LRRC4C: variants seen among roughly 807,000 people sequenced by gnomAD.
LRRC4C encodes leucine-rich repeat-containing protein 4C.
Under a neutral mutation model 33.6 loss-of-function variants are expected in LRRC4C, and 5 were observed. The ratio of observed to expected loss-of-function variants is 0.15; its 90% confidence interval spans 0.08 to 0.31. The LOEUF (loss-of-function observed/expected upper bound fraction) is 0.31. Ranked by LOEUF, LRRC4C falls within the 10% of genes least tolerant of loss-of-function variation. The pLI, the probability that LRRC4C is intolerant of heterozygous loss-of-function variation, is 1.00. For missense variants in LRRC4C, 560 were observed against 796.7 expected (o/e 0.70, Z 3.58); for synonymous variants, 329 against 302.0 (o/e 1.09, Z -0.93).
At chr11:40,506,386 A>T (rs947882845) in intron 3 of LRRC4C, among the ~76,000 whole-genome samples, 11 of 152,292 alleles carry the variant, frequency 7.2e-5, no homozygotes, top group African/African-American at 2.4e-4. Flanking sequence ...AAAACTTGTC[A>T]TTTTACTTCC....
chr11:41,325,475 AT>A (rs1240068677), intron 1 of LRRC4C, among the ~76,000 whole-genome samples: 2 of 151,290 alleles, frequency 1.3e-5, no homozygotes, highest in African/African-American at 4.9e-5. Flanking sequence ...GCATTGTCTC[AT>A]TCTTAATTTA....
intron 2 of LRRC4C, among the ~76,000 whole-genome samples, chr11:40,833,719 A>G (rs1449912153): frequency 6.6e-6 from 1 of 152,184 alleles, no homozygotes; most frequent in African/African-American, 2.4e-5. Flanking sequence ...TTAAGTCACA[A>G]GGTATCTGAT....
chr11:40,659,208 T>C (rs750644527), intron 2 of LRRC4C, among the ~76,000 whole-genome samples: 160 of 152,214 alleles, frequency 1.1e-3, no homozygotes, highest in Non-Finnish European at 6.6e-4. Context: ...CAGTCAGATG[T>C]GCATGCACTT....
At chr11:41,235,951 A>G (rs1948003184) in intron 1 of LRRC4C, among the ~76,000 whole-genome samples, 1 of 152,140 alleles carries the variant, frequency 6.6e-6, no homozygotes, top group South Asian at 2.1e-4. Flanking sequence ...AATAGAATCT[A>G]GAATTGGTGT....
At chr11:40,527,939 T>A (rs1042790852) in intron 3 of LRRC4C, among the ~76,000 whole-genome samples, 2 of 151,936 alleles carry the variant, frequency 1.3e-5, no homozygotes, top group Non-Finnish European at 1.5e-5. Flanking sequence ...AGAGGTGGGG[T>A]TTCTCCATGT....
intron 1 of LRRC4C, among the ~76,000 whole-genome samples, chr11:41,083,928 C>T (rs1019037401): frequency 1.3e-5 from 2 of 152,164 alleles, no homozygotes; most frequent in African/African-American, 2.4e-5. Context: ...ATGTCACATG[C>T]TTTTGATATT....
At chr11:41,143,094 C>G (rs148162942) in intron 1 of LRRC4C, among the ~76,000 whole-genome samples, 1 of 151,712 alleles carries the variant, frequency 6.6e-6, no homozygotes, top group Non-Finnish European at 1.5e-5. Context: ...AAAAACTCTA[C>G]GATAAAGAAA....
intron 3 of LRRC4C, among the ~76,000 whole-genome samples, chr11:40,493,062 C>T (rs1954246402): frequency 6.6e-6 from 1 of 150,802 alleles, no homozygotes; most frequent in Non-Finnish European, 1.5e-5. Context: ...ATATGGTTAC[C>T]ATATTTAATA....
chr11:40,591,567 T>C (rs913165605), intron 3 of LRRC4C, among the ~76,000 whole-genome samples: 3 of 152,250 alleles, frequency 2.0e-5, no homozygotes, highest in African/African-American at 7.2e-5. Context: ...GTGTCCACTT[T>C]ACAGAGAAGT....
chr11:40,638,725 T>C (rs1941919118), intron 3 of LRRC4C, among the ~76,000 whole-genome samples: 1 of 151,438 alleles, frequency 6.6e-6, no homozygotes, highest in South Asian at 2.1e-4. Context: ...GCTCAGGGTC[T>C]AATCCATAGA....
chr11:40,617,574 A>G (rs907975419), intron 3 of LRRC4C, among the ~76,000 whole-genome samples: 3 of 151,650 alleles, frequency 2.0e-5, no homozygotes, highest in Non-Finnish European at 3.0e-5. Flanking sequence ...GTCTCTTCCC[A>G]TAGGTCCAAC....
chr11:41,260,911 C>T (rs577841526), intron 1 of LRRC4C, among the ~76,000 whole-genome samples: 54 of 152,178 alleles, frequency 3.5e-4, no homozygotes, highest in Non-Finnish European at 5.6e-4. Context: ...AGATCTTCCC[C>T]TAGTCTTCAT....
chr11:40,357,726 T>C (rs1047696278), intron 3 of LRRC4C, among the ~76,000 whole-genome samples: 2 of 152,118 alleles, frequency 1.3e-5, no homozygotes, highest in African/African-American at 4.8e-5. Flanking sequence ...ATTCAAAAGG[T>C]ATCCACACAG....
chr11:41,449,869 TTA>T (rs1955963441), intron 1 of LRRC4C, among the ~76,000 whole-genome samples: 3 of 151,976 alleles, frequency 2.0e-5, no homozygotes. Flanking sequence ...TCCTGGACCC[TTA>T]TCTTGGATCC....
intron 2 of LRRC4C, among the ~76,000 whole-genome samples, chr11:40,833,376 A>T (rs1009299447): frequency 6.6e-6 from 1 of 152,138 alleles, no homozygotes; most frequent in Non-Finnish European, 1.5e-5. Flanking sequence ...ACATTTAGTT[A>T]AAAAAAGGTA....
intron 4 of LRRC4C, among the ~76,000 whole-genome samples, chr11:40,247,342 T>G (rs960500927): frequency 6.6e-6 from 1 of 152,188 alleles, no homozygotes; most frequent in Non-Finnish European, 1.5e-5. Flanking sequence ...CCAGGAAGGC[T>G]AGAATCTTGC....
At chr11:41,262,968 T>C (rs1454134380) in intron 1 of LRRC4C, among the ~76,000 whole-genome samples, 1 of 152,144 alleles carries the variant, frequency 6.6e-6, no homozygotes, top group African/African-American at 2.4e-5. Flanking sequence ...ACACATCGCA[T>C]GGCCTCTTAG....
At chr11:40,431,534 A>G (rs888465858) in intron 3 of LRRC4C, among the ~76,000 whole-genome samples, 2 of 151,734 alleles carry the variant, frequency 1.3e-5, no homozygotes, top group Non-Finnish European at 2.9e-5. Flanking sequence ...TCCCATGCCT[A>G]CCACCTCTGT....
intron 3 of LRRC4C, among the ~76,000 whole-genome samples, chr11:40,626,461 C>T (rs2135984245): frequency 6.6e-6 from 1 of 152,152 alleles, no homozygotes; most frequent in South Asian, 2.1e-4. Context: ...CCAGTATGTT[C>T]CTAGTACCTA....
Sources: allele counts gnomAD v4.1 joint callset (sites outside exome capture counted in the v4.1 genomes callset), GRCh38; gene constraint gnomAD v4.1.1; transcripts MANE v1.5; gene names NCBI Gene and HGNC (gene_info 2026-07-23, HGNC 2026-07-21).